ODAD2: variants seen among roughly 807,000 people sequenced by gnomAD.
ODAD2 encodes the protein outer dynein arm docking complex subunit 2, also known as outer dynein arm-docking complex subunit 2.
Under a neutral mutation model 106.8 loss-of-function variants are expected in ODAD2, and 89 were observed. The ratio of observed to expected loss-of-function variants is 0.83; its 90% CI spans 0.70 to 0.99. The LOEUF (loss-of-function observed/expected upper bound fraction) is 0.99. Ranked by LOEUF, ODAD2 falls within the 50% of genes least tolerant of loss-of-function variation. The pLI is 0.00. For synonymous variants in ODAD2, 404 were observed against 436.2 expected (o/e 0.93, Z 0.92); for missense variants, 1,168 against 1,238.5 (o/e 0.94, Z 0.85).
chr10:27,864,616 G>A (rs1489624327), intron 17 of ODAD2, among the ~76,000 whole-genome samples: 1 of 150,780 alleles, frequency 6.6e-6, no homozygotes, highest in Non-Finnish European at 1.5e-5. Context: ...AGGTGAGAGT[G>A]GGGAGTGAGG....
intron 17 of ODAD2, among the ~76,000 whole-genome samples, chr10:27,875,586 G>A (rs1286349105): frequency 6.6e-6 from 1 of 152,194 alleles, no homozygotes; most frequent in African/African-American, 2.4e-5. Context: ...TGGCCGAATA[G>A]GAACAGCTCC....
At chr10:27,912,636 A>T (rs984466433) in intron 16 of ODAD2, among the ~76,000 whole-genome samples, 2 of 152,162 alleles carry the variant, frequency 1.3e-5, no homozygotes, top group African/African-American at 4.8e-5. Context: ...ATAATTTTGC[A>T]TGTTTTCTAA....
chr10:27,923,182 C>T (rs12098615), intron 16 of ODAD2, among the ~76,000 whole-genome samples: 6,138 of 152,126 alleles, frequency 0.04, 316 homozygotes, highest in African/African-American at 0.12. Context: ...AATGTGAATG[C>T]GTTTAACTCA....
chr10:27,958,872 C>G, intron 10 of ODAD2: 3 of 1,303,934 alleles, frequency 2.3e-6, no homozygotes, highest in Non-Finnish European at 2.0e-6. Context: ...AATTTCAACT[C>G]AACTGGTCTT....
chr10:27,957,127 T>C (rs1847790607), intron 10 of ODAD2: 1 of 152,136 alleles, frequency 6.6e-6, no homozygotes, highest in South Asian at 2.1e-4. Flanking sequence ...TTAAAACAAT[T>C]TTGGCCAGAG....
intron 10 of ODAD2, among the ~76,000 whole-genome samples, chr10:27,945,278 G>A (rs1846817997): frequency 6.6e-6 from 1 of 152,226 alleles, no homozygotes; most frequent in Non-Finnish European, 1.5e-5. Context: ...AGAGCTAAGA[G>A]ATGGTTCCCC....
At chr10:27,898,427 C>T (rs935693307) in intron 17 of ODAD2, among the ~76,000 whole-genome samples, 6 of 152,058 alleles carry the variant, frequency 3.9e-5, no homozygotes, top group Non-Finnish European at 1.5e-5. Flanking sequence ...TCATTCCTTA[C>T]ATTATCTCTG....
chr10:27,917,243 C>A (rs1247455353), intron 16 of ODAD2, among the ~76,000 whole-genome samples: 1 of 152,060 alleles, frequency 6.6e-6, no homozygotes, highest in Non-Finnish European at 1.5e-5. Context: ...GGAAAATAAC[C>A]AGTTTTAGAA....
chr10:27,819,968 T>A (rs1836471779), intron 19 of ODAD2, among the ~76,000 whole-genome samples: 1 of 152,210 alleles, frequency 6.6e-6, no homozygotes, highest in Non-Finnish European at 1.5e-5. Flanking sequence ...TGCATTTGAA[T>A]CGCATAGTCC....
At chr10:27,934,311 G>A (rs1845812042) in intron 16 of ODAD2, among the ~76,000 whole-genome samples, 1 of 151,662 alleles carries the variant, frequency 6.6e-6, no homozygotes, top group Non-Finnish European at 1.5e-5. Context: ...TGTTTCTCTG[G>A]AAAGCCCTAA....
intron 7 of ODAD2, among the ~76,000 whole-genome samples, chr10:27,976,140 T>G (rs1451680432): frequency 6.6e-6 from 1 of 152,128 alleles, no homozygotes; most frequent in African/African-American, 2.4e-5. Context: ...AGCCTTAACC[T>G]TGTAAATGGT....
chr10:27,918,907 G>T (rs1844581010), intron 16 of ODAD2, among the ~76,000 whole-genome samples: 1 of 141,718 alleles, frequency 7.1e-6, no homozygotes, highest in Non-Finnish European at 1.5e-5. Flanking sequence ...TCCATTACTT[G>T]TAAAAAAAAA....
chr10:27,864,667 T>C, intron 17 of ODAD2, among the ~76,000 whole-genome samples: 1 of 151,522 alleles, frequency 6.6e-6, no homozygotes, highest in African/African-American at 2.4e-5. Context: ...CTTTCTGGTG[T>C]CCCAGGTGTG....
rs183972583 is a variant in ODAD2, at chr10:27,871,177, C to T, written c.2611-8555G>A. Among the ~76,000 whole-genome samples, 153 of 152,048 alleles carry T rather than the reference C, an allele frequency of 1.0e-3. 1 individual carries two copies. Among genetic ancestry groups the T allele is most frequent in the African/African-American group, 3.5e-3 (146 of 41,472 alleles). On this transcript the variant is annotated intron_variant, in intron 17 of 19. Transcript: ENST00000305242. ...TCCTTTGAGAAGTGTCTGTTCATAT[C>T]CTTTGTTCACTTTTTGATGGGGTTG...
At chr10:27,846,080 A>G (rs1244695166) in intron 19 of ODAD2, among the ~76,000 whole-genome samples, 7 of 152,242 alleles carry the variant, frequency 4.6e-5, no homozygotes, top group Non-Finnish European at 1.5e-5. Context: ...GACCTAATAG[A>G]CATCCACAGA....
intron 17 of ODAD2, among the ~76,000 whole-genome samples, chr10:27,888,639 C>T (rs1842381256): frequency 6.6e-6 from 1 of 152,082 alleles, no homozygotes; most frequent in Non-Finnish European, 1.5e-5. Flanking sequence ...TTAATTATTA[C>T]TTTGGCTGTG....
chr10:27,881,305 A>G (rs1341370514), intron 17 of ODAD2, among the ~76,000 whole-genome samples: 2 of 152,172 alleles, frequency 1.3e-5, no homozygotes, highest in African/African-American at 4.8e-5. Context: ...TTCAAAATAT[A>G]TAACTCAGGT....
chr10:27,902,924 G>A (rs1384316007), intron 17 of ODAD2, among the ~76,000 whole-genome samples: 1 of 152,106 alleles, frequency 6.6e-6, no homozygotes, highest in African/African-American at 2.4e-5. Context: ...CAGAAAAAGA[G>A]GGACTCCTCC....
chr10:27,994,833 A>C (rs1342959922), intron 2 of ODAD2, 86 bp downstream of exon 2: 1 of 1,411,860 alleles, frequency 7.1e-7, no homozygotes, highest in African/African-American at 1.4e-5. Flanking sequence ...CAGAGAGGTT[A>C]GGTGACTTGC....
Sources: gnomAD v4.1 joint callset for allele counts (sites outside exome capture counted in the v4.1 genomes callset) on GRCh38, gnomAD v4.1.1 for gene constraint, MANE v1.5 for transcripts, NCBI Gene and HGNC (gene_info 2026-07-23, HGNC 2026-07-21) for gene names.